Variants in CNTN5 observed in about 807,000 individuals in gnomAD.
CNTN5 encodes contactin-5.
In CNTN5, 77 loss-of-function variants were observed where a neutral mutation model predicts 129.1. The ratio of observed to expected loss-of-function variants is 0.60; its 90% CI spans 0.50 to 0.72. The LOEUF (loss-of-function observed/expected upper bound fraction) is 0.72. Among genes scored for constraint, CNTN5 ranks in the 30% least tolerant of loss-of-function variants. The pLI, the probability that CNTN5 is intolerant of heterozygous loss-of-function variation, is 0.00. For synonymous variants in CNTN5, 509 were observed against 465.6 expected, an observed-to-expected ratio of 1.09 and a Z score of -1.20; for missense variants, 1,478 against 1,328.8, an observed-to-expected ratio of 1.11 and a Z score of -1.75.
chr11:100,211,653 C>G (rs17094628), intron 15 of CNTN5, among the ~76,000 whole-genome samples: 3,223 of 152,256 alleles, frequency 0.021, 110 homozygotes, highest in African/African-American at 0.073. Flanking sequence ...GTTAGCCATA[C>G]AAGTTGATTA....
chr11:99,207,558 T>C (rs1487182950), intron 1 of CNTN5, among the ~76,000 whole-genome samples: 1 of 152,198 alleles, frequency 6.6e-6, no homozygotes, highest in Non-Finnish European at 1.5e-5. Context: ...ACAAGGTTTT[T>C]CTATTGTTTT....
intron 1 of CNTN5, among the ~76,000 whole-genome samples, chr11:99,114,371 T>C (rs1204961058): frequency 7.9e-5 from 12 of 152,078 alleles, no homozygotes. Flanking sequence ...GACAACCTTT[T>C]GGAAATGCTC....
At chr11:99,536,353 T>C (rs1275497801) in intron 2 of CNTN5, among the ~76,000 whole-genome samples, 1 of 152,192 alleles carries the variant, frequency 6.6e-6, no homozygotes, top group Non-Finnish European at 1.5e-5. Context: ...TTATAAAGCC[T>C]GTAACAATAA....
chr11:99,561,876 T>C (rs754507586), intron 3 of CNTN5, among the ~76,000 whole-genome samples: 5 of 152,126 alleles, frequency 3.3e-5, no homozygotes, highest in Admixed American at 6.5e-5. Flanking sequence ...TAAGGAAATG[T>C]CAGTCAAGTA....
intron 2 of CNTN5, among the ~76,000 whole-genome samples, chr11:99,349,215 C>T (rs769543241): frequency 1.3e-5 from 2 of 152,152 alleles, no homozygotes; most frequent in Non-Finnish European, 2.9e-5. Flanking sequence ...ATATTACAGT[C>T]ACAAGCTGAA....
chr11:99,488,287 C>T (rs181777714), intron 2 of CNTN5, among the ~76,000 whole-genome samples: 429 of 151,684 alleles, frequency 2.8e-3, no homozygotes, highest in Admixed American at 5.1e-3. Context: ...ATTTTCCTGC[C>T]TCAGCCTCCT....
At chr11:99,597,212 G>A (rs1950153079) in intron 3 of CNTN5, among the ~76,000 whole-genome samples, 1 of 152,094 alleles carries the variant, frequency 6.6e-6, no homozygotes, top group Non-Finnish European at 1.5e-5. Flanking sequence ...TCAGATATAA[G>A]CAAATATAAA....
In CNTN5 at chr11:100,271,097, G is replaced by C. The variant is rs750304880; in HGVS notation, c.2170G>C (p.Glu724Gln). The C allele has an allele frequency of 6.3e-7, 1 of 1,598,766 alleles. No homozygotes were observed. The change falls in exon 18 of 25, where the codon GAA becomes CAA. Residue 724 changes from glutamate to glutamine, a missense_variant. Coordinates refer to ENST00000524871, the MANE Select transcript of CNTN5 (RefSeq NM_014361.4). Reference sequence around the variant, plus strand: ...AATTTCCTTCCTTTCTATAGTCCCAGAAATCATAACAGGGGACATGGAGTC... The same window carrying C: ...AATTTCCTTCCTTTCTATAGTCCCACAAATCATAACAGGGGACATGGAGTC... ...LGWQTVKTVPEIITGDMESAM... is the reference protein window; with the variant it reads ...LGWQTVKTVPQIITGDMESAM...
intron 1 of CNTN5, among the ~76,000 whole-genome samples, chr11:99,125,905 CA>C (rs1240967701): frequency 6.6e-6 from 1 of 152,042 alleles, no homozygotes; most frequent in Non-Finnish European, 1.5e-5. Context: ...AAGTAATCTA[CA>C]AAATGAGAAA....
intron 2 of CNTN5, among the ~76,000 whole-genome samples, chr11:99,504,908 T>C (rs1453838095): frequency 1.3e-5 from 2 of 152,106 alleles, no homozygotes; most frequent in Non-Finnish European, 2.9e-5. Context: ...CTCCTAATTC[T>C]AAGTGAAAAA....
At chr11:99,919,405 A>G (rs1949878277) in intron 7 of CNTN5, among the ~76,000 whole-genome samples, 1 of 152,156 alleles carries the variant, frequency 6.6e-6, no homozygotes, top group South Asian at 2.1e-4. Context: ...ATAAAAATAA[A>G]ACAAAGGAAA....
At position 100,101,581 on chromosome 11, in the gene CNTN5, T is replaced by A. The variant is rs192303812; in HGVS notation, c.1580+27287T>A. On this transcript the variant is annotated intron_variant, in intron 13 of 24. Transcript: ENST00000524871. ...AAGAAATTCCAATGTATTCTTTTTT[T>A]AATTTTTTAATTTCAATAGTTTTGG... is the stretch of plus-strand genomic sequence containing the variant. 1.1e-4 allele frequency among the ~76,000 whole-genome samples: 16 copies of A among 152,252 alleles called. No homozygotes were observed. The East Asian group carries it at 1.7e-3, about 17-fold the overall frequency.
intron 1 of CNTN5, among the ~76,000 whole-genome samples, chr11:99,075,822 T>C (rs1865542007): frequency 2.6e-5 from 4 of 152,196 alleles, no homozygotes; most frequent in Non-Finnish European, 5.9e-5. Flanking sequence ...TGATGTTGCA[T>C]GCGGGAAGTG....
chr11:99,331,179 C>T (rs551299486), intron 2 of CNTN5, among the ~76,000 whole-genome samples: 1 of 152,050 alleles, frequency 6.6e-6, no homozygotes, highest in Non-Finnish European at 1.5e-5. Flanking sequence ...TAGAGCCTTG[C>T]AGTAACCTTT....
At chr11:99,240,971 GTTC>G (rs1861518624) in intron 1 of CNTN5, among the ~76,000 whole-genome samples, 1 of 152,094 alleles carries the variant, frequency 6.6e-6, no homozygotes, top group South Asian at 2.1e-4. Flanking sequence ...AGTCAGAAAT[GTTC>G]TTAAGTTAGT....
intron 8 of CNTN5, among the ~76,000 whole-genome samples, chr11:99,971,936 G>A (rs879841646): frequency 2.0e-5 from 3 of 150,290 alleles, no homozygotes; most frequent in Non-Finnish European, 4.4e-5. Flanking sequence ...CAGGATAATT[G>A]ACAATGCTTA....
chr11:99,226,178 A>G (rs1031011388), intron 1 of CNTN5, among the ~76,000 whole-genome samples: 2 of 152,200 alleles, frequency 1.3e-5, no homozygotes, highest in East Asian at 3.9e-4. Flanking sequence ...GGCTCTGGCA[A>G]AGTAACTAGA....
intron 18 of CNTN5, among the ~76,000 whole-genome samples, chr11:100,285,881 G>C (rs919737031): frequency 6.6e-6 from 1 of 152,312 alleles, no homozygotes; most frequent in East Asian, 1.9e-4. Context: ...GACAGTGGGC[G>C]CAGGTCAGTG....
intron 3 of CNTN5, among the ~76,000 whole-genome samples, chr11:99,562,708 C>T (rs2135554497): frequency 6.6e-6 from 1 of 152,136 alleles, no homozygotes; most frequent in Admixed American, 6.5e-5. Flanking sequence ...ATATATAGGA[C>T]TTAGTAATTG....
Sources: gnomAD v4.1 joint callset for allele counts (sites outside exome capture counted in the v4.1 genomes callset) on GRCh38, gnomAD v4.1.1 for gene constraint, MANE v1.5 for transcripts, NCBI Gene and HGNC (gene_info 2026-07-23, HGNC 2026-07-21) for gene names.